PUS7: variants seen among roughly 807,000 people sequenced by gnomAD.
The protein encoded by PUS7 is pseudouridylate synthase 7 homolog.
In PUS7, 48 loss-of-function variants were observed where a neutral mutation model predicts 79.8. The ratio of observed to expected loss-of-function variants is 0.60; its 90% CI spans 0.48 to 0.76. PUS7 has a LOEUF of 0.76. Ranked by LOEUF, PUS7 falls within the 30% of genes least tolerant of loss-of-function variation. PUS7 has a pLI of 0.00. For missense variants in PUS7, 729 were observed against 797.6 expected (o/e 0.91, Z 1.04); for synonymous variants, 286 against 272.2 (o/e 1.05, Z -0.50).
At position 105,468,350 on chromosome 7, in the gene PUS7, G is replaced by T; in HGVS notation, c.1512C>A (p.Leu504=). The T allele has an allele frequency of 1.2e-6, 2 of 1,612,598 alleles. No homozygotes were observed. Among genetic ancestry groups the T allele is most frequent in the Non-Finnish European group, 1.7e-6 (2 of 1,179,572 alleles). Residue 504 remains leucine, a synonymous_variant, in exon 12 of 16, where the codon CTC becomes CTA. Transcript: ENST00000469408. ...CTGCCTTTTTACCTCCTTTGAGAACGAGGTCCCCTGGAACAGGTTTTAGTC... is the reference window on the plus strand; with the variant it reads ...CTGCCTTTTTACCTCCTTTGAGAACTAGGTCCCCTGGAACAGGTTTTAGTC... ...DYGLKPVPGD[L]VLKGATATYI...
rs1390443738 is a variant in PUS7 at position 105,504,061 on chromosome 7, T to C, written c.586-1497A>G. On this transcript the variant is annotated intron_variant, in intron 4 of 15. Transcript: ENST00000469408. ...ACACTGCAACTGCTACTGGCTAAAC[T>C]TGATGACACTTTTTTTTTTTTTTTT... Among the ~76,000 whole-genome samples, 3 of 150,386 alleles carry C rather than the reference T, an allele frequency of 2.0e-5. No homozygotes were observed. In the East Asian group the frequency reaches 5.9e-4, roughly 29 times the overall value.
chr7:105,472,235 G>GTTTT, intron 9 of PUS7, 42 bp from the exon 10 acceptor site: 3 of 1,256,556 alleles, frequency 2.4e-6, no homozygotes, highest in Non-Finnish European at 3.4e-6. Context: ...TTTGCATAAA[G>GTTTT]ATAAAACTTT....
intron 9 of PUS7, among the ~76,000 whole-genome samples, chr7:105,473,567 C>T (rs958021289): frequency 2.0e-5 from 3 of 152,120 alleles, no homozygotes; most frequent in South Asian, 2.1e-4. Context: ...TACAGGCTTG[C>T]GCCACCATGC....
intron 5 of PUS7, among the ~76,000 whole-genome samples, chr7:105,500,164 G>A (rs1023453590): frequency 1.3e-5 from 2 of 152,138 alleles, no homozygotes; most frequent in African/African-American, 4.8e-5. Flanking sequence ...GATCCAATCT[G>A]ACTTCCTTCT....
At chr7:105,472,329 T>C in intron 9 of PUS7, 136 bp from the exon 10 acceptor site, 1 of 555,454 alleles carries the variant, frequency 1.8e-6, no homozygotes, top group Non-Finnish European at 3.2e-6. Context: ...TCCCAGGCTC[T>C]AGTCTAGTGA....
intron 6 of PUS7, among the ~76,000 whole-genome samples, chr7:105,494,094 C>T (rs1275931872): frequency 3.3e-5 from 5 of 152,130 alleles, no homozygotes; most frequent in South Asian, 4.1e-4. Context: ...AAAATCAGAC[C>T]GGTCTCAGGT....
intron 12 of PUS7, among the ~76,000 whole-genome samples, chr7:105,467,738 G>A (rs1823715419): frequency 1.3e-5 from 2 of 151,874 alleles, no homozygotes; most frequent in Non-Finnish European, 2.9e-5. Flanking sequence ...AGAGAGAGGT[G>A]CTTACTCAGG....
chr7:105,490,111 T>TAA (rs148584351), intron 7 of PUS7, among the ~76,000 whole-genome samples: 1 of 94,716 alleles, frequency 1.1e-5, no homozygotes, highest in African/African-American at 4.0e-5. Context: ...ACAGCAAGAC[T>TAA]AAAAAAAAAA....
At chr7:105,503,549 A>T (rs573675311) in intron 4 of PUS7, among the ~76,000 whole-genome samples, 6 of 152,256 alleles carry the variant, frequency 3.9e-5, no homozygotes, top group Admixed American at 3.9e-4. Context: ...GTGTGTATAT[A>T]CCTCATTTTA....
intron 4 of PUS7, among the ~76,000 whole-genome samples, chr7:105,503,092 GTCA>G (rs763556439): frequency 9.2e-5 from 14 of 152,164 alleles, no homozygotes; most frequent in Non-Finnish European, 2.1e-4. Context: ...AAGCACTGTG[GTCA>G]TCATTTTATT....
intron 9 of PUS7, among the ~76,000 whole-genome samples, chr7:105,480,000 A>C (rs1364398532): frequency 6.6e-6 from 1 of 151,966 alleles, no homozygotes; most frequent in Non-Finnish European, 1.5e-5. Flanking sequence ...CATCTCAAAA[A>C]ATAAAAATAA....
chr7:105,462,407 G>T, intron 14 of PUS7: 1 of 493,554 alleles, frequency 2.0e-6, no homozygotes. Flanking sequence ...GCTCCAGCCT[G>T]GGTGACTAGT....
chr7:105,473,356 TCTCCTGCATCATC>T (rs1823952051), intron 9 of PUS7, among the ~76,000 whole-genome samples: 1 of 151,902 alleles, frequency 6.6e-6, no homozygotes, highest in South Asian at 2.1e-4. Context: ...CTTAAGCAAT[TCTCCTGCATCATC>T]CTCCTGCACA....
intron 1 of PUS7, among the ~76,000 whole-genome samples, chr7:105,521,179 CT>C (rs1216111814): frequency 6.6e-6 from 1 of 152,040 alleles, no homozygotes; most frequent in Non-Finnish European, 1.5e-5. Flanking sequence ...ATAGTCGAGG[CT>C]CCCCCAGGCC....
At chr7:105,501,969 A>AT (rs1486989907) in intron 5 of PUS7, among the ~76,000 whole-genome samples, 69 of 73,706 alleles carry the variant, frequency 9.4e-4, no homozygotes, top group East Asian at 1.8e-3. Context: ...AAAAAAAAAA[A>AT]ATATATATAT....
intron 7 of PUS7, among the ~76,000 whole-genome samples, chr7:105,487,359 C>T (rs974716736): frequency 1.3e-5 from 2 of 152,150 alleles, no homozygotes; most frequent in African/African-American, 4.8e-5. Flanking sequence ...TGGCCTTGTG[C>T]GCCTGACTTC....
intron 4 of PUS7, 44 bp from the exon 5 acceptor site, chr7:105,502,608 T>C: frequency 6.3e-7 from 1 of 1,596,694 alleles, no homozygotes; most frequent in Non-Finnish European, 8.6e-7. Flanking sequence ...TTAACAAACA[T>C]TAAATAGGGA....
At chr7:105,513,679 A>AT (rs1825783245) in intron 1 of PUS7, among the ~76,000 whole-genome samples, 1 of 148,334 alleles carries the variant, frequency 6.7e-6, no homozygotes, top group Non-Finnish European at 1.5e-5. Context: ...CTACTAAAAA[A>AT]TACAAAAAAT....
At chr7:105,486,590 C>T (rs1236645901) in intron 7 of PUS7, among the ~76,000 whole-genome samples, 3 of 152,030 alleles carry the variant, frequency 2.0e-5, no homozygotes, top group Admixed American at 6.5e-5. Flanking sequence ...GAGTGAGGAA[C>T]GGGGGACAAA....
Sources: allele counts gnomAD v4.1 joint callset (sites outside exome capture counted in the v4.1 genomes callset), GRCh38; gene constraint gnomAD v4.1.1; transcripts MANE v1.5; gene names NCBI Gene and HGNC (gene_info 2026-07-23, HGNC 2026-07-21).